ZNF609: variants seen among roughly 807,000 people sequenced by gnomAD.
ZNF609 encodes zinc finger protein 609.
A neutral mutation model predicts 109.5 loss-of-function variants in ZNF609; 11 were observed. That is an observed-to-expected ratio of 0.10 (90% CI 0.06 to 0.17). The LOEUF is 0.17. ZNF609 is among the 10% of genes least tolerant of loss of function. ZNF609 has a pLI of 1.00. For synonymous variants in ZNF609, 646 were observed against 662.0 expected, an observed-to-expected ratio of 0.98 and a Z score of 0.37; for missense variants, 1,559 against 1,772.4, an observed-to-expected ratio of 0.88 and a Z score of 2.16.
Position 64,499,367 on chromosome 15 carries a change from A to G in ZNF609, c.-53A>G. Reference sequence around the variant, plus strand: ...AACATAGCTGAAGCTGAAAATAGGAAAGCTGGGGGCAAGGAAGAGCCTTGA... The same window carrying G: ...AACATAGCTGAAGCTGAAAATAGGAGAGCTGGGGGCAAGGAAGAGCCTTGA... On this transcript the variant is annotated 5_prime_UTR_variant, in exon 2 of 10. Coordinates refer to ENST00000326648, the MANE Select transcript of ZNF609 (RefSeq NM_015042.2). 6.3e-7 allele frequency: 1 copy of G among 1,575,648 alleles called. No individual in the cohort carries two copies. The highest frequency in any genetic ancestry group is 8.6e-7 in the Non-Finnish European group (1 of 1,161,626).
At chr15:64,527,341 T>C (rs1595708112) in intron 2 of ZNF609, among the ~76,000 whole-genome samples, 1 of 145,206 alleles carries the variant, frequency 6.9e-6, no homozygotes, top group East Asian at 2.0e-4. Context: ...AAGATGGAGG[T>C]GATGGGCATA....
intron 2 of ZNF609, among the ~76,000 whole-genome samples, chr15:64,608,993 T>C (rs569620814): frequency 6.6e-6 from 1 of 152,234 alleles, no homozygotes; most frequent in East Asian, 1.9e-4. Flanking sequence ...CACCTCAGGC[T>C]CCCAAAGTGC....
chr15:64,546,436 CTTTTT>C lies in ZNF609; in HGVS notation c.747+46279_747+46283del, dbSNP rs113149337. On this transcript the variant is annotated intron_variant, in intron 2 of 9. Coordinates refer to ENST00000326648, the MANE Select transcript of ZNF609 (RefSeq NM_015042.2). ...AGATTTTAATGTTCCATGTTTCTTT[CTTTTT>C]TTTTTTTTGGAGATGGTGCCTTGTT... Among the ~76,000 whole-genome samples, 113 of 140,572 alleles carry C rather than the reference CTTTTT, an allele frequency of 8.0e-4. 1 individual carries two copies. Among genetic ancestry groups the C allele is most frequent in the African/African-American group, 2.7e-3 (105 of 38,730 alleles). The allele number at this position is 140,572 out of a possible 152,430, so 92.2% of individuals were successfully genotyped here.
chr15:64,493,447 G>T (rs1173612143), intron 1 of ZNF609, among the ~76,000 whole-genome samples: 2 of 152,128 alleles, frequency 1.3e-5, no homozygotes, highest in Non-Finnish European at 2.9e-5. Flanking sequence ...TCAAAGAGAT[G>T]GATGTTATTA....
chr15:64,593,801 G>C (rs1024189314), intron 2 of ZNF609, among the ~76,000 whole-genome samples: 1 of 152,142 alleles, frequency 6.6e-6, no homozygotes, highest in Non-Finnish European at 1.5e-5. Context: ...GATTACAGGT[G>C]TAAGCCACTG....
rs575059817 is a variant in ZNF609, at chr15:64,516,269, CT to C, written c.747+16104del. Among the ~76,000 whole-genome samples the C allele has an allele frequency of 1.4e-3, 215 of 152,290 alleles. 2 individuals carry two copies. The highest frequency in any genetic ancestry group is 2.9e-3 in the Admixed American group (44 of 15,286). On this transcript the variant is annotated intron_variant, in intron 2 of 9. Transcript: ENST00000326648. ...TAATCTCTTCCATTCCCCTGCCCCC[CT>C]GGAGTATATTTTTTAATTTTTAAAA...
In ZNF609 at chr15:64,657,051, G is replaced by A. The variant is rs185032050; in HGVS notation, c.974-13295G>A. On this transcript the variant is annotated intron_variant, in intron 3 of 9. Transcript: ENST00000326648. The stretch of plus-strand genomic sequence containing the variant: ...AGGCAGACAGATCACTTAAGGCCAG[G>A]AGCTCAAGACCAGCCTGGCCAACAT... Among the ~76,000 whole-genome samples the A allele has an allele frequency of 6.9e-4, 105 of 152,072 alleles. 1 individual carries two copies. Among genetic ancestry groups the A allele is most frequent in the African/African-American group, 2.5e-3 (104 of 41,470 alleles).
chr15:64,587,561 A>G (rs1276726037), intron 2 of ZNF609, among the ~76,000 whole-genome samples: 1 of 152,154 alleles, frequency 6.6e-6, no homozygotes, highest in Non-Finnish European at 1.5e-5. Context: ...GTAAAAGTTA[A>G]CCTAATTAGA....
chr15:64,573,424 G>T (rs1894896207), intron 2 of ZNF609, among the ~76,000 whole-genome samples: 1 of 121,166 alleles, frequency 8.3e-6, no homozygotes, highest in Non-Finnish European at 1.6e-5. Flanking sequence ...GCGCAATCTT[G>T]GCTCACTGCA....
chr15:64,554,115 C>T (rs959038664), intron 2 of ZNF609, among the ~76,000 whole-genome samples: 2 of 152,056 alleles, frequency 1.3e-5, no homozygotes, highest in Admixed American at 1.3e-4. Context: ...TACTATGCTC[C>T]ATAGAAGTGC....
At chr15:64,637,950 C>T (rs953062638) in intron 3 of ZNF609, among the ~76,000 whole-genome samples, 1 of 142,864 alleles carries the variant, frequency 7.0e-6, no homozygotes, top group Non-Finnish European at 1.5e-5. Flanking sequence ...TTTTGCCCAT[C>T]CCAAGATAAT....
At chr15:64,500,200 T>C in intron 2 of ZNF609, 34 bp downstream of exon 2, 1 of 1,605,896 alleles carries the variant, frequency 6.2e-7, no homozygotes, top group Non-Finnish European at 8.5e-7. Flanking sequence ...GCCCACTGAC[T>C]GCCAGTCAGA....
chr15:64,547,793 TG>T (rs1033481302), intron 2 of ZNF609, among the ~76,000 whole-genome samples: 2 of 152,028 alleles, frequency 1.3e-5, no homozygotes, highest in Non-Finnish European at 2.9e-5. Flanking sequence ...TACATTCTAG[TG>T]GGGGGAATAC....
chr15:64,484,544 C>G (rs927665478), intron 1 of ZNF609, among the ~76,000 whole-genome samples: 6 of 151,342 alleles, frequency 4.0e-5, no homozygotes, highest in Admixed American at 2.0e-4. Context: ...GGCGTGGTGG[C>G]GCGTGCCTGT....
intron 1 of ZNF609, among the ~76,000 whole-genome samples, chr15:64,484,199 A>G (rs188648242): frequency 7.9e-5 from 12 of 152,306 alleles, no homozygotes; most frequent in Admixed American, 5.9e-4. Context: ...TTCCTATGAC[A>G]TTAAACTCTT....
intron 1 of ZNF609, among the ~76,000 whole-genome samples, chr15:64,465,529 C>T (rs1390133593): frequency 1.3e-5 from 2 of 151,930 alleles, no homozygotes; most frequent in Non-Finnish European, 2.9e-5. Context: ...TACAGGCGCC[C>T]ACCACCATGC....
intron 2 of ZNF609, among the ~76,000 whole-genome samples, chr15:64,618,533 C>G (rs764166689): frequency 4.6e-5 from 7 of 152,100 alleles, no homozygotes; most frequent in Non-Finnish European, 1.0e-4. Context: ...TCTTGGTGTA[C>G]TGGAAGAATT....
intron 3 of ZNF609, among the ~76,000 whole-genome samples, chr15:64,628,877 G>A (rs1055324746): frequency 9.2e-5 from 14 of 151,864 alleles, no homozygotes; most frequent in African/African-American, 2.7e-4. Context: ...CCCCTGCCTC[G>A]GCCTTCCAAA....
intron 2 of ZNF609, among the ~76,000 whole-genome samples, chr15:64,598,782 A>C (rs1213087066): frequency 1.6e-5 from 2 of 126,346 alleles, no homozygotes; most frequent in Non-Finnish European, 3.3e-5. Context: ...ATATATATAT[A>C]TATATCCTGT....
Sources: gnomAD v4.1 joint callset for allele counts (sites outside exome capture counted in the v4.1 genomes callset) on GRCh38, gnomAD v4.1.1 for gene constraint, MANE v1.5 for transcripts, NCBI Gene and HGNC (gene_info 2026-07-23, HGNC 2026-07-21) for gene names.